Variants in ST8SIA5 observed in about 807,000 individuals in gnomAD.
ST8SIA5 encodes the protein ST8 alpha-N-acetyl-neuraminide alpha-2,8-sialyltransferase 5.
ST8SIA5 carries 24 observed loss-of-function variants against 40.2 expected under a neutral mutation model. The ratio of observed to expected loss-of-function variants is 0.60; its 90% CI spans 0.43 to 0.84. ST8SIA5 has a LOEUF of 0.84. Among genes scored for constraint, ST8SIA5 ranks in the 40% least tolerant of loss-of-function variants. The pLI is 0.00. For missense variants in ST8SIA5, 465 were observed against 498.5 expected (o/e 0.93, Z 0.64); for synonymous variants, 198 against 201.8 (o/e 0.98, Z 0.16).
At chr18:46,682,184 T>C (rs879403505) in intron 5 of ST8SIA5, 120 bp from the exon 6 acceptor site, 17 of 704,796 alleles carry the variant, frequency 2.4e-5, no homozygotes, top group Non-Finnish European at 3.4e-5. Flanking sequence ...GGCAACCAGC[T>C]AGGCAGGTTC....
intron 1 of ST8SIA5, among the ~76,000 whole-genome samples, chr18:46,709,360 C>T (rs1205030229): frequency 2.0e-5 from 3 of 152,202 alleles, no homozygotes; most frequent in Non-Finnish European, 2.9e-5. Context: ...CTTCTGCCAC[C>T]TTGATCTTGG....
intron 2 of ST8SIA5, among the ~76,000 whole-genome samples, chr18:46,702,361 A>C (rs753284084): frequency 6.6e-6 from 1 of 152,106 alleles, no homozygotes; most frequent in Non-Finnish European, 1.5e-5. Flanking sequence ...TGTTTAAAAT[A>C]CCAACCAGCT....
chr18:46,685,424 C>T (rs11082550), intron 5 of ST8SIA5, among the ~76,000 whole-genome samples: 14,736 of 152,176 alleles, frequency 0.097, 930 homozygotes, highest in East Asian at 0.34. Context: ...TCTCACACTC[C>T]GCCTGTGACA....
chr18:46,755,739 G>A (rs1372975165), intron 1 of ST8SIA5, among the ~76,000 whole-genome samples: 1 of 151,988 alleles, frequency 6.6e-6, no homozygotes, highest in East Asian at 1.9e-4. Flanking sequence ...CTGCAGCTCT[G>A]ACCTTTTGCG....
chr18:46,730,102 G>T, intron 1 of ST8SIA5: 1 of 936,088 alleles, frequency 1.1e-6, no homozygotes, highest in Non-Finnish European at 1.3e-6. Context: ...CTCTCCATCA[G>T]TCACAAACCT....
At chr18:46,742,654 A>G (rs2040098673) in intron 1 of ST8SIA5, among the ~76,000 whole-genome samples, 1 of 152,230 alleles carries the variant, frequency 6.6e-6, no homozygotes, top group South Asian at 2.1e-4. Flanking sequence ...AACAAAAGGC[A>G]GCAGAAACTT....
chr18:46,731,844 C>T (rs1234918502), intron 1 of ST8SIA5: 1 of 152,168 alleles, frequency 6.6e-6, no homozygotes, highest in Non-Finnish European at 1.5e-5. Flanking sequence ...ATCACGCACC[C>T]TGGGTAAAAC....
chr18:46,686,547 G>C (rs1243350704), intron 4 of ST8SIA5, among the ~76,000 whole-genome samples: 1 of 152,150 alleles, frequency 6.6e-6, no homozygotes, highest in Non-Finnish European at 1.5e-5. Flanking sequence ...GGCACACAGC[G>C]GCTGGCAGAC....
chr18:46,756,655 T>C lies in ST8SIA5; in HGVS notation c.-147A>G. 1 of 987,794 alleles carries C rather than the reference T, an allele frequency of 1.0e-6. No individual in the cohort carries two copies. The highest frequency in any genetic ancestry group is 1.8e-5 in the South Asian group (1 of 56,022). 61.2% of individuals were successfully genotyped at this position (987,794 alleles called of 1,614,324 possible). The stretch of plus-strand genomic sequence containing the variant: ...GGACTTCGAGGGGCAAAGTTTCTGG[T>C]TGGCGCGGCCGGAGCTGGGGGCATC... On this transcript the variant is annotated 5_prime_UTR_variant, in exon 1 of 7. Coordinates refer to ENST00000315087, the MANE Select transcript of ST8SIA5 (RefSeq NM_013305.6).
chr18:46,689,999 G>A lies in ST8SIA5; in HGVS notation c.312-1080C>T, dbSNP rs146894288. On this transcript the variant is annotated intron_variant, in intron 3 of 6. Transcript: ENST00000315087. ...CCTGTGGAGAGCTGGGTTTCAGAATGTAACAGAAGCTTCCCAGAGAGGAGA... is the reference window on the plus strand; with the variant it reads ...CCTGTGGAGAGCTGGGTTTCAGAATATAACAGAAGCTTCCCAGAGAGGAGA... 7.9e-4 allele frequency among the ~76,000 whole-genome samples: 120 copies of A among 152,102 alleles called. 1 individual carries two copies. Among genetic ancestry groups the A allele is most frequent in the Admixed American group, 2.4e-3 (37 of 15,276 alleles).
chr18:46,735,863 T>C (rs560543262), intron 1 of ST8SIA5, among the ~76,000 whole-genome samples: 3 of 152,244 alleles, frequency 2.0e-5, no homozygotes, highest in South Asian at 2.1e-4. Context: ...TCCTCCCACT[T>C]TGGCCTCCCA....
In ST8SIA5 at chr18:46,674,197, G is replaced by A. The variant is rs1018409540; in HGVS notation, c.*5845C>T. ...GAGCCTGACATGTTTGTGTGGCTTT[G>A]AGGAAGGGAAGAAGTAGACAACAAG... On this transcript the variant is annotated 3_prime_UTR_variant, in exon 7 of 7. Transcript: ENST00000315087. 3 of 152,184 alleles carry A rather than the reference G, an allele frequency of 2.0e-5. No individual in the cohort carries two copies. The highest frequency in any genetic ancestry group is 4.4e-5 in the Non-Finnish European group (3 of 68,034). 9.4% of individuals were successfully genotyped at this position (152,184 alleles called of 1,614,324 possible).
At chr18:46,688,253 A>G (rs759528305) in intron 4 of ST8SIA5, among the ~76,000 whole-genome samples, 2 of 152,246 alleles carry the variant, frequency 1.3e-5, no homozygotes, top group Non-Finnish European at 2.9e-5. Flanking sequence ...ATATTTTAGA[A>G]GTTCTGTTAT....
intron 2 of ST8SIA5, among the ~76,000 whole-genome samples, chr18:46,695,993 G>T (rs1332329258): frequency 6.6e-6 from 1 of 152,240 alleles, no homozygotes; most frequent in African/African-American, 2.4e-5. Context: ...TGCCAGGAAG[G>T]AAAGTGAAGC....
chr18:46,680,534 T>G (rs1599095735), intron 6 of ST8SIA5, 24 bp from the exon 7 acceptor site: 1 of 1,540,514 alleles, frequency 6.5e-7, no homozygotes, highest in Non-Finnish European at 8.8e-7. Context: ...GAGTGAGAGG[T>G]GAGCACCCAC....
At chr18:46,724,146 G>A (rs773586526) in intron 1 of ST8SIA5, among the ~76,000 whole-genome samples, 24 of 152,200 alleles carry the variant, frequency 1.6e-4, no homozygotes, top group Non-Finnish European at 1.3e-4. Flanking sequence ...GTCTTTGACT[G>A]CAAGTATCAC....
At chr18:46,720,812 AT>A (rs1369800997) in intron 1 of ST8SIA5, among the ~76,000 whole-genome samples, 1 of 152,154 alleles carries the variant, frequency 6.6e-6, no homozygotes, top group Non-Finnish European at 1.5e-5. Flanking sequence ...ATTTTTATTC[AT>A]TCAACAAATA....
chr18:46,680,803 G>T (rs2039386838), intron 6 of ST8SIA5, among the ~76,000 whole-genome samples: 1 of 152,192 alleles, frequency 6.6e-6, no homozygotes, highest in Non-Finnish European at 1.5e-5. Context: ...GTGGCCCAAG[G>T]GAGGCTCAGA....
intron 2 of ST8SIA5, among the ~76,000 whole-genome samples, chr18:46,703,359 A>G (rs1236343718): frequency 6.6e-6 from 1 of 152,144 alleles, no homozygotes; most frequent in East Asian, 1.9e-4. Context: ...TGTGTTAGCC[A>G]GGATGGTCTC....
Sources: gnomAD v4.1 joint callset for allele counts (sites outside exome capture counted in the v4.1 genomes callset) on GRCh38, gnomAD v4.1.1 for gene constraint, MANE v1.5 for transcripts, NCBI Gene and HGNC (gene_info 2026-07-23, HGNC 2026-07-21) for gene names.